The following SSH2 variants were observed in gnomAD, a reference collection of about 807,000 sequenced individuals.
SSH2 encodes the protein protein phosphatase Slingshot homolog 2.
SSH2 carries 37 observed loss-of-function variants against 135.2 expected under a neutral mutation model. The ratio of observed to expected loss-of-function variants is 0.27; its 90% CI spans 0.21 to 0.36. SSH2 has a LOEUF of 0.36. Ranked by LOEUF, SSH2 falls within the 10% of genes least tolerant of loss-of-function variation. The probability of loss-of-function intolerance (pLI) is 1.00; values close to 1 mark genes in which losing one functional copy is unlikely to be tolerated. For synonymous variants in SSH2, 628 were observed against 646.2 expected, an observed-to-expected ratio of 0.97 and a Z score of 0.43; for missense variants, 1,408 against 1,765.3, an observed-to-expected ratio of 0.80 and a Z score of 3.63.
intron 2 of SSH2, chr17:29,838,828 T>C: frequency 1.2e-5 from 2 of 173,692 alleles, no homozygotes; most frequent in Non-Finnish European, 2.4e-5. Context: ...TCTGCATACC[T>C]CACTCTTCCT....
intron 3 of SSH2, among the ~76,000 whole-genome samples, chr17:29,746,325 C>A (rs949561336): frequency 1.3e-5 from 2 of 151,848 alleles, no homozygotes; most frequent in Non-Finnish European, 2.9e-5. Context: ...GTAGGCAGAT[C>A]ACCTGAGGTC....
chr17:29,760,577 G>A (rs2041259468), intron 3 of SSH2, among the ~76,000 whole-genome samples: 1 of 152,154 alleles, frequency 6.6e-6, no homozygotes, highest in Admixed American at 6.5e-5. Context: ...AGGTGTGCGT[G>A]CAGGCTTGGG....
chr17:29,762,172 C>G (rs1454902152), intron 3 of SSH2, among the ~76,000 whole-genome samples: 1 of 147,004 alleles, frequency 6.8e-6, no homozygotes, highest in Non-Finnish European at 1.5e-5. Context: ...TGAGCCAGGG[C>G]TCCCGGCAAG....
At chr17:29,867,528 G>A (rs1053929867) in intron 1 of SSH2, among the ~76,000 whole-genome samples, 1 of 152,208 alleles carries the variant, frequency 6.6e-6, no homozygotes, top group African/African-American at 2.4e-5. Flanking sequence ...GTGCAAAGAG[G>A]TGGAGTTCTG....
At chr17:29,723,764 A>G (rs2039897264) in intron 3 of SSH2, among the ~76,000 whole-genome samples, 1 of 152,200 alleles carries the variant, frequency 6.6e-6, no homozygotes, top group Non-Finnish European at 1.5e-5. Context: ...CACATTTGTC[A>G]TACAAACCAC....
intron 3 of SSH2, among the ~76,000 whole-genome samples, chr17:29,706,706 TA>T (rs1246392123): frequency 1.3e-5 from 2 of 152,238 alleles, no homozygotes; most frequent in African/African-American, 4.8e-5. Flanking sequence ...CCAGGCAAAG[TA>T]ACAGCTTTGG....
intron 5 of SSH2, among the ~76,000 whole-genome samples, chr17:29,692,388 T>C (rs1243737770): frequency 6.6e-6 from 1 of 152,220 alleles, no homozygotes; most frequent in Admixed American, 6.5e-5. Context: ...ACATAATGAC[T>C]ATGTGTTTGT....
At chr17:29,637,126 T>C (rs1386602091) in intron 14 of SSH2, among the ~76,000 whole-genome samples, 10 of 152,182 alleles carry the variant, frequency 6.6e-5, no homozygotes, top group Non-Finnish European at 7.3e-5. Context: ...TGTTTTTTGT[T>C]TTTTTCAGAG....
At chr17:29,800,848 T>C (rs1290009372) in intron 2 of SSH2, among the ~76,000 whole-genome samples, 1 of 151,398 alleles carries the variant, frequency 6.6e-6, no homozygotes, top group Admixed American at 6.6e-5. Context: ...TCAGGAACCA[T>C]TAAGTCTTTT....
chr17:29,850,572 A>G (rs547603154), intron 1 of SSH2, among the ~76,000 whole-genome samples: 1 of 151,964 alleles, frequency 6.6e-6, no homozygotes, highest in Admixed American at 6.6e-5. Context: ...CTTCCTTCTC[A>G]TTTTTTTTCT....
intron 3 of SSH2, among the ~76,000 whole-genome samples, chr17:29,754,910 C>T (rs1336761178): frequency 2.6e-5 from 4 of 152,312 alleles, no homozygotes; most frequent in Middle Eastern, 3.4e-3. Flanking sequence ...CCACCTGCTT[C>T]GGCCTCCCAA....
chr17:29,739,199 G>A (rs2040476607), intron 3 of SSH2, among the ~76,000 whole-genome samples: 1 of 152,092 alleles, frequency 6.6e-6, no homozygotes, highest in African/African-American at 2.4e-5. Flanking sequence ...GAAAACAGGG[G>A]TTCAGAAACG....
intron 5 of SSH2, among the ~76,000 whole-genome samples, chr17:29,690,812 G>A (rs925357095): frequency 1.3e-5 from 2 of 151,708 alleles, no homozygotes; most frequent in South Asian, 4.2e-4. Flanking sequence ...TTATTGACAT[G>A]GAAAGATATC....
At chr17:29,829,746 C>T (rs923988606) in intron 2 of SSH2, among the ~76,000 whole-genome samples, 7 of 151,876 alleles carry the variant, frequency 4.6e-5, no homozygotes, top group African/African-American at 1.7e-4. Context: ...ATAGCAAAGA[C>T]AGGCAAATAT....
chr17:29,685,400 TTC>T (rs1210834980), intron 5 of SSH2, among the ~76,000 whole-genome samples: 2 of 152,192 alleles, frequency 1.3e-5, no homozygotes, highest in Non-Finnish European at 2.9e-5. Flanking sequence ...ATGACATGGT[TTC>T]TGAGTTTTAC....
chr17:29,652,179 A>G (rs2036604188), intron 12 of SSH2, among the ~76,000 whole-genome samples: 1 of 152,196 alleles, frequency 6.6e-6, no homozygotes, highest in Admixed American at 6.5e-5. Context: ...TATGGAAAAC[A>G]GTACAGCAGT....
intron 3 of SSH2, among the ~76,000 whole-genome samples, chr17:29,743,907 C>CCT (rs2040658473): frequency 2.0e-5 from 2 of 99,866 alleles, no homozygotes; most frequent in East Asian, 2.9e-4. Context: ...TTCTTTTTTC[C>CCT]TTTTTTTTTT....
At chr17:29,763,719 A>C (rs1248765303) in intron 3 of SSH2, among the ~76,000 whole-genome samples, 1 of 152,192 alleles carries the variant, frequency 6.6e-6, no homozygotes, top group Non-Finnish European at 1.5e-5. Context: ...CCAGAGATAA[A>C]GATTTCATAA....
chr17:29,709,826 C>G (rs2039371798), intron 3 of SSH2, among the ~76,000 whole-genome samples: 1 of 152,076 alleles, frequency 6.6e-6, no homozygotes. Flanking sequence ...GAGATGAATC[C>G]AGCTGGGCTG....
Sources: allele counts gnomAD v4.1 joint callset (sites outside exome capture counted in the v4.1 genomes callset), GRCh38; gene constraint gnomAD v4.1.1; transcripts MANE v1.5; gene names NCBI Gene and HGNC (gene_info 2026-07-23, HGNC 2026-07-21).